Variants in HEATR1 observed in about 807,000 individuals in gnomAD.
HEATR1 encodes the protein HEAT repeat-containing protein 1.
Under a neutral mutation model 248.2 loss-of-function variants are expected in HEATR1, and 77 were observed. The observed-to-expected ratio is 0.31, with a 90% CI of 0.26 to 0.37. The LOEUF is 0.37. Ranked by LOEUF, HEATR1 falls within the 10% of genes least tolerant of loss-of-function variation. The probability of loss-of-function intolerance (pLI) is 1.00; values close to 1 mark genes in which losing one functional copy is unlikely to be tolerated. For missense variants in HEATR1, 2,420 were observed against 2,504.9 expected, an observed-to-expected ratio of 0.97 and a Z score of 0.72; for synonymous variants, 897 against 923.1, an observed-to-expected ratio of 0.97 and a Z score of 0.51.
Position 236,595,896 on chromosome 1 carries a change from T to C in HEATR1, c.893A>G (p.Lys298Arg). Residue 298 changes from lysine (K) to arginine (R), a missense_variant, in exon 7 of 45, where the codon AAG (lysine) becomes AGG (arginine). Transcript: ENST00000366582. ...CACTATCAAGCAACTTAACCCATCC[T>C]TGATCAAAGAGGGAATCTTGGTCAA... Reference protein sequence around the residue: ...KTLTKIPSLIKDGLSCLIVLL... With the variant: ...KTLTKIPSLIRDGLSCLIVLL... 1 of 1,614,142 alleles carries C rather than the reference T, an allele frequency of 6.2e-7. No homozygotes were observed. Among genetic ancestry groups the C allele is most frequent in the Non-Finnish European group, 8.5e-7 (1 of 1,179,982 alleles).
chr1:236,556,185 T>C lies in HEATR1; in HGVS notation c.5429A>G (p.Lys1810Arg). Residue 1810 changes from lysine to arginine, a missense_variant, in exon 38 of 45, where the codon AAA becomes AGA. Physicochemically the swap from Lys to Arg is conservative, Grantham distance 26 (BLOSUM62 2). Transcript: ENST00000366582. ...TGCAAGTGTGGTAGCCAGTGTCTTT[T>C]TAAGAGATGTGAGACGGATATTAGC... ...SQANIRLTSL[K>R]KTLATTLAPR... The C allele has an allele frequency of 6.2e-7, 1 of 1,614,098 alleles. No homozygotes were observed. The highest frequency in any genetic ancestry group is 1.1e-5 in the South Asian group (1 of 91,076).
chr1:236,568,774 T>C (rs1359115920), intron 29 of HEATR1, among the ~76,000 whole-genome samples: 1 of 151,834 alleles, frequency 6.6e-6, no homozygotes, highest in East Asian at 1.9e-4. Flanking sequence ...CGTTTGTTTA[T>C]ATTATTGAGA....
At chr1:236,571,513 C>T (rs1184440504) in intron 27 of HEATR1, 41 bp from the exon 28 acceptor site, 1 of 1,613,218 alleles carries the variant, frequency 6.2e-7, no homozygotes, top group Non-Finnish European at 8.5e-7. Context: ...GTGGCAGGTA[C>T]ACTCACGCTC....
At chr1:236,597,190 A>G (rs1280105560) in intron 5 of HEATR1, among the ~76,000 whole-genome samples, 1 of 151,968 alleles carries the variant, frequency 6.6e-6, no homozygotes, top group African/African-American at 2.4e-5. Flanking sequence ...ATATGCAACA[A>G]TGAATACACA....
At chr1:236,596,156 T>C in intron 6 of HEATR1, 112 bp from the exon 7 acceptor site, 2 of 748,562 alleles carry the variant, frequency 2.7e-6, no homozygotes, top group South Asian at 1.9e-5. Flanking sequence ...ACCTAATGCA[T>C]AGTCAATCAC....
chr1:236,568,339 A>G (rs1480347674), intron 29 of HEATR1, among the ~76,000 whole-genome samples: 1 of 152,226 alleles, frequency 6.6e-6, no homozygotes, highest in Non-Finnish European at 1.5e-5. Context: ...TGAGAACACC[A>G]ATCTAATACT....
At chr1:236,576,700 G>T in intron 21 of HEATR1, 80 bp downstream of exon 21, 1 of 1,315,264 alleles carries the variant, frequency 7.6e-7, no homozygotes. Context: ...TCCCTACACA[G>T]TGAAATGTCG....
Position 236,550,992 on chromosome 1 carries a change from T to TAAA in HEATR1, c.6347-5_6347-3dup, listed in dbSNP as rs55866014. On this transcript the variant is annotated splice_polypyrimidine_tract_variant and splice_region_variant and intron_variant, in intron 44 of 44. Coordinates refer to ENST00000366582, the MANE Select transcript of HEATR1 (RefSeq NM_018072.6). ...GATGTTCTACTTCTTCACATTCATC[T>TAAA]AAAAAAAAAAAAAAAAAATCAAAAT... The TAAA allele has an allele frequency of 0.015, 18,194 of 1,247,878 alleles. 9 individuals are homozygous for TAAA. The highest frequency in any genetic ancestry group is 0.017 in the Non-Finnish European group (15,365 of 928,764). The allele number at this position is 1,247,878 out of a possible 1,614,324, so 77.3% of individuals were successfully genotyped here. A position where few individuals can be genotyped will look rare whatever the true frequency, so the allele number is the denominator to read the frequency against.
intron 29 of HEATR1, among the ~76,000 whole-genome samples, chr1:236,568,693 T>TG: frequency 6.6e-6 from 1 of 152,208 alleles, no homozygotes; most frequent in East Asian, 1.9e-4. Flanking sequence ...TGGATGTCAA[T>TG]TTACCCCACC....
At chr1:236,568,817 T>C (rs183801740) in intron 29 of HEATR1, among the ~76,000 whole-genome samples, 179 bp downstream of exon 29, 1 of 150,952 alleles carries the variant, frequency 6.6e-6, no homozygotes, top group African/African-American at 2.4e-5. Context: ...TTAGCTTCAA[T>C]GTTCTAAAAC....
At chr1:236,556,738 T>G (rs1397845238) in intron 37 of HEATR1, among the ~76,000 whole-genome samples, 1 of 152,196 alleles carries the variant, frequency 6.6e-6, no homozygotes, top group Admixed American at 6.5e-5. Flanking sequence ...TCAACATTCT[T>G]GAGCATCTTC....
intron 1 of HEATR1, 142 bp from the exon 2 acceptor site, chr1:236,604,269 C>T (rs1361713136): frequency 3.4e-6 from 2 of 580,522 alleles, no homozygotes; most frequent in African/African-American, 3.9e-5. Context: ...GATGCAAAGA[C>T]GATGGCAGCA....
Position 236,566,669 on chromosome 1 carries a change from G to A in HEATR1, c.4285C>T (p.Leu1429=). 1 of 1,613,840 alleles carries A rather than the reference G, an allele frequency of 6.2e-7. No individual in the cohort carries two copies. The highest frequency in any genetic ancestry group is 1.1e-5 in the South Asian group (1 of 91,074). The change falls in exon 30 of 45, where the codon CTG becomes TTG. Residue 1429 remains leucine (L), a synonymous_variant. Coordinates refer to ENST00000366582, the MANE Select transcript of HEATR1 (RefSeq NM_018072.6). ...LFEQYVTKTV[L]AAAYGEKDAI... ...ACCTTTTCGCCATAGGCAGCCGCCA[G>A]CACTGTTTTTGTGACATACTGTTCA...
chr1:236,585,152 T>C lies in HEATR1; in HGVS notation c.2114A>G (p.His705Arg), dbSNP rs747976958. 6.2e-7 allele frequency: 1 copy of C among 1,614,120 alleles called. No homozygotes were observed. Among genetic ancestry groups the C allele is most frequent in the Non-Finnish European group, 8.5e-7 (1 of 1,179,958 alleles). The change falls in exon 17 of 45, where the codon CAT becomes CGT. Residue 705 changes from histidine to arginine, a missense_variant. Transcript: ENST00000366582. The part of the protein sequence containing the change: ...SFNLKQKVTF[H>R]VILSVLVSCC... The stretch of plus-strand genomic sequence containing the variant: ...AGAGACGAGCACAGACAGGATCACA[T>C]GAAACGTTACTTTCTGCTTCAGGTT...
chr1:236,564,456 A>G, intron 32 of HEATR1, 42 bp downstream of exon 32: 1 of 1,576,946 alleles, frequency 6.3e-7, no homozygotes, highest in Non-Finnish European at 8.7e-7. Context: ...CCTTGGAGAC[A>G]GCAGAATACC....
chr1:236,559,593 C>G (rs41310591), intron 34 of HEATR1, 121 bp downstream of exon 34: 152 of 1,223,364 alleles, frequency 1.2e-4, no homozygotes, highest in Non-Finnish European at 1.6e-4. Context: ...TAAGAAAAAT[C>G]TGAGCTTCAT....
In HEATR1 at chr1:236,551,870, C is replaced by G. The variant is rs188537250; in HGVS notation, c.6346+129G>C. 2.7e-4 allele frequency: 172 copies of G among 645,950 alleles called. No individual in the cohort carries two copies. In the African/African-American group the frequency reaches 2.8e-3, roughly 11 times the overall value. 40.0% of individuals were successfully genotyped at this position (645,950 alleles called of 1,614,324 possible). On this transcript the variant is annotated intron_variant, in intron 44 of 44. Transcript: ENST00000366582. ...TGCCTGTATTTGAGACTGGAGCTGCCTGTATGAGGACTGGATCAACTGCTA... is the reference window on the plus strand; with the variant it reads ...TGCCTGTATTTGAGACTGGAGCTGCGTGTATGAGGACTGGATCAACTGCTA...
intron 6 of HEATR1, among the ~76,000 whole-genome samples, chr1:236,596,539 A>G (rs1664181188): frequency 6.6e-6 from 1 of 152,308 alleles, no homozygotes; most frequent in Admixed American, 6.5e-5. Flanking sequence ...TTACGCCTCA[A>G]AGAGACTGTC....
In HEATR1 at chr1:236,549,451, G is replaced by C. The variant is rs1290687862; in HGVS notation, c.*1451C>G. ...TTAGACTGGGGCAGAACTCTGCCAG[G>C]ATTTAGGAATATTTTCAGAACAGAT... is the stretch of plus-strand genomic sequence containing the variant. On this transcript the variant is annotated 3_prime_UTR_variant, in exon 45 of 45. Coordinates refer to ENST00000366582, the MANE Select transcript of HEATR1 (RefSeq NM_018072.6). 4 of 154,674 alleles carry C rather than the reference G, an allele frequency of 2.6e-5. No homozygotes were observed. The highest frequency in any genetic ancestry group is 9.6e-5 in the African/African-American group (4 of 41,558). 9.6% of individuals were successfully genotyped at this position (154,674 alleles called of 1,614,324 possible).
Sources: gnomAD v4.1 joint callset for allele counts (sites outside exome capture counted in the v4.1 genomes callset) on GRCh38, gnomAD v4.1.1 for gene constraint, MANE v1.5 for transcripts, NCBI Gene and HGNC (gene_info 2026-07-23, HGNC 2026-07-21) for gene names.